The following PPARGC1A variants were observed in gnomAD, a reference collection of about 807,000 sequenced individuals.
PPARGC1A encodes PPARG coactivator 1 alpha.
A neutral mutation model predicts 88.7 loss-of-function variants in PPARGC1A; 25 were observed. The observed-to-expected ratio is 0.28, with a 90% CI of 0.21 to 0.39. The LOEUF is 0.39. Ranked by LOEUF, PPARGC1A falls within the 10% of genes least tolerant of loss-of-function variation. PPARGC1A has a pLI of 1.00. For missense variants in PPARGC1A, 880 were observed against 968.7 expected (o/e 0.91, Z 1.22); for synonymous variants, 363 against 355.6 (o/e 1.02, Z -0.24).
At chr4:24,050,998 T>C in the PPARGC1A span, among the ~76,000 whole-genome samples, 94 of 151,932 alleles carry the variant, frequency 6.2e-4, no homozygotes, top group South Asian at 0.012. Flanking sequence ...CCATCCTGGC[T>C]AACATGGTGA....
intron 1 of PPARGC1A, chr4:23,889,328 A>G: frequency 2.0e-6 from 2 of 985,382 alleles, no homozygotes; most frequent in Non-Finnish European, 2.4e-6. Context: ...TCAACCACGT[A>G]TAGGAGTTTT....
the PPARGC1A span, among the ~76,000 whole-genome samples, chr4:24,279,775 C>T: frequency 6.6e-6 from 1 of 152,098 alleles, no homozygotes; most frequent in Non-Finnish European, 1.5e-5. Flanking sequence ...CTCTGCCACC[C>T]CCCTTCTTGT....
the PPARGC1A span, among the ~76,000 whole-genome samples, chr4:24,211,329 CAG>C: frequency 6.6e-6 from 1 of 152,084 alleles, no homozygotes; most frequent in African/African-American, 2.4e-5. Context: ...TCAATTTCAC[CAG>C]AGACTTCAAT....
chr4:23,984,469 G>A, the PPARGC1A span, among the ~76,000 whole-genome samples: 7 of 151,982 alleles, frequency 4.6e-5, no homozygotes, highest in African/African-American at 1.2e-4. Flanking sequence ...CAAGGTTTCC[G>A]TATCATGTGT....
the PPARGC1A span, among the ~76,000 whole-genome samples, chr4:24,338,781 A>C: frequency 6.6e-6 from 1 of 151,826 alleles, no homozygotes; most frequent in African/African-American, 2.4e-5. Context: ...TTTCCAACAA[A>C]AGCACAAAGC....
At chr4:23,904,102 G>C (rs193057351), upstream of PPARGC1A, 24 of 944,538 alleles carry the variant, frequency 2.5e-5, no homozygotes, top group Admixed American at 1.9e-4. Flanking sequence ...CAAGGGCTTC[G>C]GCAGGCCACT....
the PPARGC1A span, among the ~76,000 whole-genome samples, chr4:23,981,862 G>C: frequency 6.6e-6 from 1 of 152,072 alleles, no homozygotes. Context: ...GGAAGCTAAG[G>C]AGATGCTGGG....
chr4:24,270,902 G>GA, the PPARGC1A span, among the ~76,000 whole-genome samples: 6 of 151,928 alleles, frequency 3.9e-5, no homozygotes, highest in East Asian at 1.9e-4. Flanking sequence ...TGGTTTGGAG[G>GA]AAAAAAATCC....
the PPARGC1A span, among the ~76,000 whole-genome samples, chr4:23,993,142 A>G: frequency 1.3e-4 from 20 of 152,174 alleles, no homozygotes; most frequent in Non-Finnish European, 2.2e-4. Context: ...AATAAGAAAA[A>G]ATTTTTAAAG....
At chr4:24,208,608 C>T in the PPARGC1A span, among the ~76,000 whole-genome samples, 1 of 147,674 alleles carries the variant, frequency 6.8e-6, no homozygotes, top group Non-Finnish European at 1.5e-5. Context: ...GCAATAAGGA[C>T]CAAAAGACAA....
the PPARGC1A span, among the ~76,000 whole-genome samples, chr4:23,987,720 G>A: frequency 0.013 from 2,024 of 152,030 alleles, 39 homozygotes; most frequent in African/African-American, 0.046. Context: ...ATTAGAAGCC[G>A]ACGTTTATTC....
At chr4:23,808,726 A>G (rs1490665814) in intron 10 of PPARGC1A, among the ~76,000 whole-genome samples, 1 of 152,158 alleles carries the variant, frequency 6.6e-6, no homozygotes, top group East Asian at 1.9e-4. Context: ...CAACCACAAT[A>G]TAAGATTTTG....
chr4:24,376,005 G>A, the PPARGC1A span, among the ~76,000 whole-genome samples: 1 of 136,904 alleles, frequency 7.3e-6, no homozygotes, highest in Non-Finnish European at 1.5e-5. Context: ...GATTGTGCAA[G>A]ATGGCAGACA....
At chr4:24,217,362 G>A in the PPARGC1A span, among the ~76,000 whole-genome samples, 27 of 152,264 alleles carry the variant, frequency 1.8e-4, no homozygotes, top group South Asian at 4.1e-4. Context: ...ATTCCATACC[G>A]TCATAGAAGT....
the PPARGC1A span, among the ~76,000 whole-genome samples, chr4:24,045,043 G>A: frequency 6.6e-6 from 1 of 152,086 alleles, no homozygotes; most frequent in Non-Finnish European, 1.5e-5. Flanking sequence ...TAATTTCCCT[G>A]GGTGGTACAT....
chr4:23,983,698 A>G, the PPARGC1A span, among the ~76,000 whole-genome samples: 1 of 152,052 alleles, frequency 6.6e-6, no homozygotes, highest in Non-Finnish European at 1.5e-5. Flanking sequence ...GGAGGAAGAG[A>G]GGTAGGTAGG....
At chr4:24,327,232 C>T in the PPARGC1A span, among the ~76,000 whole-genome samples, 2 of 152,200 alleles carry the variant, frequency 1.3e-5, no homozygotes, top group Non-Finnish European at 2.9e-5. Context: ...TCATTCCAGA[C>T]ACCAGACCAA....
the PPARGC1A span, among the ~76,000 whole-genome samples, chr4:24,258,994 C>T: frequency 2.0e-5 from 3 of 152,044 alleles, no homozygotes; most frequent in South Asian, 2.1e-4. Flanking sequence ...TCCTATGGTT[C>T]GATAATTTTA....
At chr4:24,255,024 C>T in the PPARGC1A span, among the ~76,000 whole-genome samples, 7 of 152,310 alleles carry the variant, frequency 4.6e-5, no homozygotes, top group South Asian at 8.3e-4. Flanking sequence ...CTTGTAAAGA[C>T]TGAGCATATT....
Sources: gnomAD v4.1 joint callset for allele counts (sites outside exome capture counted in the v4.1 genomes callset) on GRCh38, gnomAD v4.1.1 for gene constraint, MANE v1.5 for transcripts, NCBI Gene and HGNC (gene_info 2026-07-23, HGNC 2026-07-21) for gene names.